Variants in PHACTR2 observed in about 807,000 individuals in gnomAD.
PHACTR2 encodes chromosome 6 open reading frame 56.
In PHACTR2, 30 loss-of-function variants were observed where a neutral mutation model predicts 76.0. That is an observed-to-expected ratio of 0.39 (90% CI 0.30 to 0.54). The LOEUF is 0.54. PHACTR2 is among the 20% of genes least tolerant of loss of function. The pLI is 0.61. For synonymous variants in PHACTR2, 292 were observed against 292.5 expected, an observed-to-expected ratio of 1.00 and a Z score of 0.02; for missense variants, 696 against 781.1, an observed-to-expected ratio of 0.89 and a Z score of 1.30.
At chr6:143,758,032 G>T (rs1334440248) in intron 4 of PHACTR2, among the ~76,000 whole-genome samples, 1 of 151,998 alleles carries the variant, frequency 6.6e-6, no homozygotes, top group Non-Finnish European at 1.5e-5. Context: ...ACACATAGTT[G>T]GTAGCGTTCG....
At chr6:143,728,216 C>CT (rs548709835) in intron 2 of PHACTR2, among the ~76,000 whole-genome samples, 1,190 of 83,728 alleles carry the variant, frequency 0.014, 45 homozygotes, top group East Asian at 0.057. Flanking sequence ...TTTTTTCTTT[C>CT]TTTTTTTTTT....
At chr6:143,612,308 C>T (rs1424203414) in intron 1 of PHACTR2, among the ~76,000 whole-genome samples, 1 of 152,112 alleles carries the variant, frequency 6.6e-6, no homozygotes, top group African/African-American at 2.4e-5. Flanking sequence ...AAAATGTAAG[C>T]ACGAAGACAT....
intron 1 of PHACTR2, among the ~76,000 whole-genome samples, chr6:143,645,258 A>C (rs1038384391): frequency 4.3e-4 from 66 of 151,820 alleles, no homozygotes; most frequent in African/African-American, 1.5e-3. Context: ...AATGCCCATC[A>C]ATCAACGAGT....
rs2128428356 is a variant in PHACTR2, at chr6:143,556,786, A to G, written c.217+19579A>G. Among the ~76,000 whole-genome samples, 1 of 152,336 alleles carries G rather than the reference A, an allele frequency of 6.6e-6. No homozygotes were observed. Among genetic ancestry groups the G allele is most frequent in the South Asian group, 2.1e-4 (1 of 4,830 alleles). ...AATTTTCAGACTCAACGCACTGGCC[A>G]CACCATGGGGTCCAATTGCTGCCAT... On this transcript the variant is annotated intron_variant, in intron 1 of 11. Transcript: ENST00000367584. This position sits in a 1 kb window ranked among gnomAD's most constrained non-coding sequence, Gnocchi z 4.3.
intron 11 of PHACTR2, among the ~76,000 whole-genome samples, chr6:143,799,457 A>G (rs1775905716): frequency 6.6e-6 from 1 of 152,018 alleles, no homozygotes; most frequent in South Asian, 2.1e-4. Context: ...TTGCTTCTCC[A>G]GTTCTTTTAA....
At chr6:143,692,150 T>C (rs375225355) in intron 1 of PHACTR2, among the ~76,000 whole-genome samples, 3 of 152,186 alleles carry the variant, frequency 2.0e-5, no homozygotes, top group Admixed American at 6.5e-5. Context: ...CCCTCTGACC[T>C]TCCTTCTTGT....
chr6:143,582,231 G>A (rs1047817046), intron 1 of PHACTR2, among the ~76,000 whole-genome samples: 2 of 152,160 alleles, frequency 1.3e-5, no homozygotes, highest in Non-Finnish European at 2.9e-5. Context: ...TAGAATCTCA[G>A]CCCAGGTTTC....
In PHACTR2 at chr6:143,618,126, C is replaced by G. The variant is rs1053233304; in HGVS notation, c.13+9804C>G. Among the ~76,000 whole-genome samples, 3 of 152,190 alleles carry G rather than the reference C, an allele frequency of 2.0e-5. No individual in the cohort carries two copies. Among genetic ancestry groups the G allele is most frequent in the South Asian group, 4.1e-4 (2 of 4,824 alleles). ...TAATCATCACTAACTGTATCTGTAC[C>G]AAGAGGCTGGGTCAGAGCCACGATT... On this transcript the variant is annotated intron_variant, in intron 1 of 11. Coordinates refer to the PHACTR2 transcript ENST00000305766. The surrounding 1 kb of genome is among the most constrained non-coding windows in gnomAD (Gnocchi z 5.2).
chr6:143,721,637 ATG>A (rs5880570), intron 2 of PHACTR2, among the ~76,000 whole-genome samples: 75,487 of 150,570 alleles, frequency 0.5, 20,471 homozygotes, highest in African/African-American at 0.73. Flanking sequence ...CTATCTTCTG[ATG>A]TGTGTGTGTG....
chr6:143,719,320 G>A (rs1034825068), intron 2 of PHACTR2, among the ~76,000 whole-genome samples: 15 of 149,224 alleles, frequency 1.0e-4, no homozygotes, highest in Admixed American at 4.0e-4. Flanking sequence ...TAGATCCACA[G>A]AGGGCTTCTT....
At position 143,765,695 on chromosome 6, in the gene PHACTR2, T is replaced by G; in HGVS notation, c.1129T>G (p.Ser377Ala). ...CAGCGTTGGAGCTGACCTGCCCGTC[T>G]CTGCCTTAGACCCAAGTCAGCTTCT... ...LVSVGADLPV[S>A]ALDPSQLLWA... Residue 377 changes from serine (S) to alanine (A), a missense_variant, in exon 6 of 13, where the codon TCT (serine) becomes GCT (alanine). Around this residue, in one of 2 missense-constraint regions of PHACTR2, gnomAD observed 236 missense variants for 330.2 expected, o/e 0.71. Transcript: ENST00000440869. The surrounding 1 kb of genome is among the most constrained non-coding windows in gnomAD (Gnocchi z 4.1). 1.2e-6 allele frequency: 2 copies of G among 1,614,224 alleles called. No individual in the cohort carries two copies. Among genetic ancestry groups the G allele is most frequent in the South Asian group, 2.2e-5 (2 of 91,088 alleles).
intron 1 of PHACTR2, among the ~76,000 whole-genome samples, chr6:143,701,192 G>A (rs996283519): frequency 6.6e-6 from 1 of 152,138 alleles, no homozygotes; most frequent in African/African-American, 2.4e-5. Context: ...TCGTTCTGCA[G>A]GCCTGTTGGC....
chr6:143,804,438 T>C (rs1232385472), intron 11 of PHACTR2, among the ~76,000 whole-genome samples: 1 of 152,128 alleles, frequency 6.6e-6, no homozygotes, highest in Non-Finnish European at 1.5e-5. Flanking sequence ...CTGTGTGCAT[T>C]TGTTGAAAGT....
intron 12 of PHACTR2, among the ~76,000 whole-genome samples, chr6:143,817,527 A>G (rs1203301774): frequency 6.6e-6 from 1 of 152,170 alleles, no homozygotes; most frequent in Non-Finnish European, 1.5e-5. Context: ...TCTTCAAGTC[A>G]TTGTGAAAAG....
intron 2 of PHACTR2, among the ~76,000 whole-genome samples, chr6:143,741,899 C>T (rs540653405): frequency 3.3e-5 from 5 of 152,060 alleles, no homozygotes; most frequent in Non-Finnish European, 2.9e-5. Flanking sequence ...GTCAGGAGTT[C>T]GAGACCAGCC....
At chr6:143,636,145 C>A (rs1477130696) in intron 1 of PHACTR2, among the ~76,000 whole-genome samples, 3 of 151,072 alleles carry the variant, frequency 2.0e-5, no homozygotes, top group Admixed American at 2.0e-4. Context: ...ACCCAAGAGG[C>A]AGAGGTTGCA....
At position 143,793,838 on chromosome 6, in the gene PHACTR2, G is replaced by A. The variant is rs1319987487; in HGVS notation, c.1845+4928G>A. 1.3e-5 allele frequency among the ~76,000 whole-genome samples: 2 copies of A among 152,002 alleles called. No individual in the cohort carries two copies. The highest frequency in any genetic ancestry group is 2.9e-5 in the Non-Finnish European group (2 of 67,998). On this transcript the variant is annotated intron_variant, in intron 11 of 12. Transcript: ENST00000440869. The surrounding 1 kb of genome is among the most constrained non-coding windows in gnomAD (Gnocchi z 4.4). The stretch of plus-strand genomic sequence containing the variant: ...AAGCTGAGGTGGGAGAATTGCTTGA[G>A]CCCAGGAGCAGGAGGCTGCAGTGAG...
At chr6:143,729,229 T>A (rs1283548660) in intron 2 of PHACTR2, among the ~76,000 whole-genome samples, 2 of 152,156 alleles carry the variant, frequency 1.3e-5, no homozygotes, top group Admixed American at 6.5e-5. Context: ...TTTCTTTATA[T>A]ATTCTAGATA....
intron 1 of PHACTR2, among the ~76,000 whole-genome samples, chr6:143,576,422 A>G (rs1453249025): frequency 1.3e-5 from 2 of 152,276 alleles, no homozygotes; most frequent in Non-Finnish European, 2.9e-5. Context: ...ACAAGAAAAC[A>G]AAAAGTTTAA....
Sources: allele counts gnomAD v4.1 joint callset (sites outside exome capture counted in the v4.1 genomes callset), GRCh38; gene constraint gnomAD v4.1.1; regional missense constraint gnomAD v4.1.1; non-coding constraint Gnocchi (gnomAD v3.1); transcripts MANE v1.5; gene names NCBI Gene and HGNC (gene_info 2026-07-23, HGNC 2026-07-21).